GABBR2: variants seen among roughly 807,000 people sequenced by gnomAD.
GABBR2 encodes the protein gamma-aminobutyric acid type B receptor subunit 2, also known as G-protein coupled receptor 51.
GABBR2 carries 23 observed loss-of-function variants against 105.6 expected under a neutral mutation model. That is an observed-to-expected ratio of 0.22 (90% confidence interval 0.16 to 0.31). The LOEUF (loss-of-function observed/expected upper bound fraction) is 0.31, where lower values mean the gene tolerates loss of function less well. Among genes scored for constraint, GABBR2 ranks in the 10% least tolerant of loss-of-function variants. The pLI is 1.00. For synonymous variants in GABBR2, 478 were observed against 499.7 expected, an observed-to-expected ratio of 0.96 and a Z score of 0.58; for missense variants, 734 against 1,245.5, an observed-to-expected ratio of 0.59 and a Z score of 6.18.
intron 1 of GABBR2, among the ~76,000 whole-genome samples, chr9:98,628,767 G>T (rs1829778895): frequency 6.6e-6 from 1 of 152,012 alleles, no homozygotes; most frequent in Non-Finnish European, 1.5e-5. Context: ...GAAGGGCAAG[G>T]GTTTGCTATA....
At chr9:98,571,493 A>G (rs1588233339) in intron 2 of GABBR2, among the ~76,000 whole-genome samples, 1 of 152,292 alleles carries the variant, frequency 6.6e-6, no homozygotes, top group Non-Finnish European at 1.5e-5. Flanking sequence ...GGCCAACAGC[A>G]TCACAGTCAC....
At chr9:98,325,897 T>C (rs1444956870) in intron 13 of GABBR2, among the ~76,000 whole-genome samples, 1 of 152,218 alleles carries the variant, frequency 6.6e-6, no homozygotes, top group Non-Finnish European at 1.5e-5. Flanking sequence ...TCTTTGGTGT[T>C]CTTCAAAGAC....
At chr9:98,415,150 A>G (rs1369680951) in intron 7 of GABBR2, among the ~76,000 whole-genome samples, 1 of 152,146 alleles carries the variant, frequency 6.6e-6, no homozygotes, top group East Asian at 1.9e-4. Flanking sequence ...TACCCCCACA[A>G]AGTAAAAACG....
intron 6 of GABBR2, among the ~76,000 whole-genome samples, chr9:98,459,824 C>A (rs904520341): frequency 6.6e-6 from 1 of 152,160 alleles, no homozygotes; most frequent in Non-Finnish European, 1.5e-5. Context: ...AAACTGAAAC[C>A]GAACCTGGAA....
intron 6 of GABBR2, among the ~76,000 whole-genome samples, chr9:98,471,419 G>A (rs1036974071): frequency 1.8e-4 from 27 of 152,214 alleles, no homozygotes; most frequent in African/African-American, 6.5e-4. Flanking sequence ...ATTTAGAAAA[G>A]GGAAGTCAGT....
chr9:98,349,448 G>A (rs915827167), intron 13 of GABBR2, among the ~76,000 whole-genome samples: 1 of 146,110 alleles, frequency 6.8e-6, no homozygotes, highest in Non-Finnish European at 1.5e-5. Context: ...CGCCTCCTGG[G>A]TTGCAAGCGA....
chr9:98,515,369 T>C (rs1168513408), intron 3 of GABBR2, among the ~76,000 whole-genome samples: 1 of 152,150 alleles, frequency 6.6e-6, no homozygotes. Flanking sequence ...TTGTCCACCT[T>C]TGCACTTCAA....
At chr9:98,381,524 G>A (rs1178679354) in intron 11 of GABBR2, among the ~76,000 whole-genome samples, 1 of 152,190 alleles carries the variant, frequency 6.6e-6, no homozygotes, top group Non-Finnish European at 1.5e-5. Context: ...AAATTCAAGA[G>A]CTTTCACTTC....
intron 2 of GABBR2, 66 bp from the exon 3 acceptor site, chr9:98,542,109 C>T (rs1463517975): frequency 1.5e-6 from 2 of 1,374,696 alleles, no homozygotes; most frequent in African/African-American, 2.9e-5. Flanking sequence ...CAGCATCTTT[C>T]CTACTGGAAT....
At chr9:98,700,652 AC>A (rs1830818246) in intron 1 of GABBR2, among the ~76,000 whole-genome samples, 3 of 152,090 alleles carry the variant, frequency 2.0e-5, no homozygotes, top group African/African-American at 7.2e-5. Context: ...TTCCTGAAGG[AC>A]CCCAATTGAC....
chr9:98,667,256 C>T (rs1369056715), intron 1 of GABBR2, among the ~76,000 whole-genome samples: 1 of 152,074 alleles, frequency 6.6e-6, no homozygotes, highest in Non-Finnish European at 1.5e-5. Context: ...TGTAAGCTTC[C>T]TAGGAAAACA....
chr9:98,477,635 C>T (rs1826821178), intron 5 of GABBR2, among the ~76,000 whole-genome samples: 1 of 152,120 alleles, frequency 6.6e-6, no homozygotes, highest in South Asian at 2.1e-4. Context: ...CACGGTTCAG[C>T]CCCATGAACC....
chr9:98,610,554 G>A (rs1315961163), intron 1 of GABBR2, among the ~76,000 whole-genome samples: 1 of 152,156 alleles, frequency 6.6e-6, no homozygotes, highest in Non-Finnish European at 1.5e-5. Flanking sequence ...ATTCAGGTAG[G>A]CTATAAATCT....
At chr9:98,597,591 C>T (rs1188610316) in intron 1 of GABBR2, among the ~76,000 whole-genome samples, 1 of 152,130 alleles carries the variant, frequency 6.6e-6, no homozygotes, top group Non-Finnish European at 1.5e-5. Flanking sequence ...TCTGTGCACT[C>T]ACCCACAACC....
Position 98,318,918 on chromosome 9 carries a change from G to GTT in GABBR2, c.1894-7714_1894-7713insAA, listed in dbSNP as rs1233293385. Among the ~76,000 whole-genome samples, 6 of 68,774 alleles carry GTT rather than the reference G, an allele frequency of 8.7e-5. No individual in the cohort carries two copies. In the South Asian group the frequency reaches 2.0e-3, roughly 22 times the overall value. The allele number at this position is 68,774 out of a possible 152,430, so 45.1% of individuals were successfully genotyped here. ...GTGTGTGTGTGTGTGTGTGTGTTGG[G>GTT]GGTGTGTGTGTGTGTGTGGTGTGTG... On this transcript the variant is annotated intron_variant, in intron 13 of 18. Coordinates refer to ENST00000259455, the MANE Select transcript of GABBR2 (RefSeq NM_005458.8).
chr9:98,295,019 T>A (rs1009391375), intron 17 of GABBR2, among the ~76,000 whole-genome samples: 10 of 152,238 alleles, frequency 6.6e-5, no homozygotes, highest in Non-Finnish European at 1.3e-4. Context: ...GGTCTTTGTT[T>A]TTGCTCCAGT....
chr9:98,446,500 C>T (rs1019372488), intron 7 of GABBR2, among the ~76,000 whole-genome samples: 1 of 152,150 alleles, frequency 6.6e-6, no homozygotes, highest in African/African-American at 2.4e-5. Flanking sequence ...TTGATCACTG[C>T]CATGTCCTGG....
chr9:98,296,237 T>C (rs1830380423), intron 17 of GABBR2, among the ~76,000 whole-genome samples: 2 of 152,166 alleles, frequency 1.3e-5, no homozygotes, highest in Admixed American at 1.3e-4. Context: ...CACATGAAGA[T>C]GTAGAGTTCC....
intron 12 of GABBR2, among the ~76,000 whole-genome samples, chr9:98,371,055 C>A (rs948896055): frequency 6.6e-6 from 1 of 152,114 alleles, no homozygotes; most frequent in Non-Finnish European, 1.5e-5. Flanking sequence ...AAGCCCTATG[C>A]CCCAGCCACA....
Sources: gnomAD v4.1 joint callset for allele counts (sites outside exome capture counted in the v4.1 genomes callset) on GRCh38, gnomAD v4.1.1 for gene constraint, MANE v1.5 for transcripts, NCBI Gene and HGNC (gene_info 2026-07-23, HGNC 2026-07-21) for gene names.